Variants in DACH1 observed in about 807,000 individuals in gnomAD.
DACH1 encodes dachshund family transcription factor 1.
In DACH1, 12 loss-of-function variants were observed where a neutral mutation model predicts 54.2. The observed-to-expected ratio is 0.22, with a 90% CI of 0.14 to 0.36. The LOEUF is 0.36. DACH1 is among the 10% of genes least tolerant of loss of function. DACH1 has a pLI of 1.00. For synonymous variants in DACH1, 386 were observed against 366.2 expected, an observed-to-expected ratio of 1.05 and a Z score of -0.62; for missense variants, 805 against 929.8, an observed-to-expected ratio of 0.87 and a Z score of 1.75.
chr13:71,855,883 A>G (rs1873969352), intron 1 of DACH1, among the ~76,000 whole-genome samples: 1 of 149,416 alleles, frequency 6.7e-6, no homozygotes, highest in African/African-American at 2.5e-5. Flanking sequence ...ATTAGTAAAG[A>G]GAAATTGATT....
intron 10 of DACH1, among the ~76,000 whole-genome samples, chr13:71,445,105 C>G (rs1176799128): frequency 6.6e-6 from 1 of 152,110 alleles, no homozygotes; most frequent in Non-Finnish European, 1.5e-5. Context: ...GCAGCTGCCT[C>G]TTTCTGCCAG....
At chr13:71,731,484 C>A (rs748196895) in intron 1 of DACH1, among the ~76,000 whole-genome samples, 2 of 151,956 alleles carry the variant, frequency 1.3e-5, no homozygotes, top group Non-Finnish European at 2.9e-5. Context: ...GGGGTTTCAC[C>A]GTGTTAGCCA....
In DACH1 at chr13:71,460,351, T is replaced by A. The variant is rs534389377; in HGVS notation, c.2083+14790A>T. ...ACTGTGTAGATAAATGTTATCAGTG[T>A]TTTTGGAATTAGTCAGTTGAGACTC... On this transcript the variant is annotated intron_variant, in intron 10 of 10. Coordinates refer to ENST00000613252, the MANE Select transcript of DACH1 (RefSeq NM_080759.6). Among the ~76,000 whole-genome samples, 14 of 152,128 alleles carry A rather than the reference T, an allele frequency of 9.2e-5. 1 individual carries two copies. The highest frequency in any genetic ancestry group is 3.4e-4 in the African/African-American group (14 of 41,528).
chr13:71,578,351 C>T (rs11840080), intron 3 of DACH1, among the ~76,000 whole-genome samples: 8,850 of 152,124 alleles, frequency 0.058, 840 homozygotes, highest in African/African-American at 0.2. Context: ...ATCTTAACAA[C>T]GAAAACAAAA....
At chr13:71,509,635 G>A (rs1438361508) in intron 6 of DACH1, among the ~76,000 whole-genome samples, 1 of 152,020 alleles carries the variant, frequency 6.6e-6, no homozygotes, top group Non-Finnish European at 1.5e-5. Context: ...CCTAGAGCTG[G>A]TTTTTCCAAA....
At chr13:71,831,136 G>T (rs1433260733) in intron 1 of DACH1, among the ~76,000 whole-genome samples, 2 of 151,964 alleles carry the variant, frequency 1.3e-5, no homozygotes, top group Admixed American at 6.6e-5. Context: ...TGCTTCTAGG[G>T]CAAATGAAGA....
At chr13:71,441,186 T>C (rs1024237362) in intron 10 of DACH1, among the ~76,000 whole-genome samples, 5 of 152,040 alleles carry the variant, frequency 3.3e-5, no homozygotes, top group African/African-American at 1.2e-4. Flanking sequence ...GCCAGCTAGG[T>C]TATTTCATCA....
At chr13:71,847,231 T>A (rs1461158396) in intron 1 of DACH1, among the ~76,000 whole-genome samples, 1 of 152,204 alleles carries the variant, frequency 6.6e-6, no homozygotes, top group African/African-American at 2.4e-5. Context: ...TTGTTTGTTT[T>A]TATTTCTATA....
intron 3 of DACH1, among the ~76,000 whole-genome samples, chr13:71,576,566 A>T (rs1885537478): frequency 6.6e-6 from 1 of 152,206 alleles, no homozygotes; most frequent in Admixed American, 6.6e-5. Context: ...ATGCAGAAAT[A>T]TATCCCTAAA....
chr13:71,524,557 T>C (rs1415835695), intron 6 of DACH1, among the ~76,000 whole-genome samples: 1 of 152,124 alleles, frequency 6.6e-6, no homozygotes, highest in African/African-American at 2.4e-5. Flanking sequence ...AAATCCCATT[T>C]TGTAGCTCAA....
At chr13:71,519,908 T>TATATATATATATATATATA (rs1566312779) in intron 6 of DACH1, among the ~76,000 whole-genome samples, 7 of 135,710 alleles carry the variant, frequency 5.2e-5, no homozygotes, top group Admixed American at 2.3e-4. Flanking sequence ...TATATATATA[T>TATATATATATATATATATA]CCTAACTAAC....
At chr13:71,651,674 C>CTGTATATGTATATGTATATGTATA in intron 2 of DACH1, among the ~76,000 whole-genome samples, 1 of 135,994 alleles carries the variant, frequency 7.4e-6, no homozygotes, top group East Asian at 2.1e-4. Context: ...GTATCTGTAT[C>CTGTATATGTATATGTATATGTATA]TGTATCTGTA....
At chr13:71,629,895 T>C (rs1162408996) in intron 3 of DACH1, among the ~76,000 whole-genome samples, 1 of 152,134 alleles carries the variant, frequency 6.6e-6, no homozygotes, top group African/African-American at 2.4e-5. Context: ...TAACCCATAT[T>C]TGAAGTTGTG....
intron 2 of DACH1, among the ~76,000 whole-genome samples, chr13:71,680,869 G>A (rs576510262): frequency 6.6e-6 from 1 of 151,956 alleles, no homozygotes; most frequent in Non-Finnish European, 1.5e-5. Flanking sequence ...CACACAGAAA[G>A]ACAAATGTTA....
chr13:71,666,632 G>A (rs1879851716), intron 2 of DACH1, among the ~76,000 whole-genome samples: 1 of 151,818 alleles, frequency 6.6e-6, no homozygotes, highest in Admixed American at 6.6e-5. Context: ...TATGTCCAGA[G>A]AATAAAGAAC....
intron 3 of DACH1, among the ~76,000 whole-genome samples, chr13:71,610,463 T>G (rs1875237973): frequency 6.6e-6 from 1 of 152,138 alleles, no homozygotes; most frequent in African/African-American, 2.4e-5. Context: ...TTTCCTACTA[T>G]TATATATGAG....
intron 1 of DACH1, among the ~76,000 whole-genome samples, chr13:71,780,504 C>T (rs1886326473): frequency 6.6e-6 from 1 of 151,740 alleles, no homozygotes; most frequent in Non-Finnish European, 1.5e-5. Flanking sequence ...CAGAGGCTAC[C>T]ACATATTTTT....
At chr13:71,672,634 TAA>T (rs550299744) in intron 2 of DACH1, among the ~76,000 whole-genome samples, 1 of 151,982 alleles carries the variant, frequency 6.6e-6, no homozygotes, top group Non-Finnish European at 1.5e-5. Context: ...GAAATAAAAA[TAA>T]AAAAAGTTTA....
At chr13:71,536,425 T>C (rs949624015) in intron 6 of DACH1, among the ~76,000 whole-genome samples, 3 of 152,060 alleles carry the variant, frequency 2.0e-5, no homozygotes, top group Non-Finnish European at 2.9e-5. Flanking sequence ...CTAGGGCTAA[T>C]AGTAAATACT....
Sources: gnomAD v4.1 joint callset for allele counts (sites outside exome capture counted in the v4.1 genomes callset) on GRCh38, gnomAD v4.1.1 for gene constraint, MANE v1.5 for transcripts, NCBI Gene and HGNC (gene_info 2026-07-23, HGNC 2026-07-21) for gene names.